The following ZNF783 variants were observed in gnomAD, a reference collection of about 807,000 sequenced individuals.
The protein encoded by ZNF783 is zinc finger protein 783, also known as protein ZNF783.
In ZNF783, 25 loss-of-function variants were observed where a neutral mutation model predicts 31.3. The observed-to-expected ratio is 0.80, with a 90% CI of 0.58 to 1.11. ZNF783 has a LOEUF of 1.11. ZNF783 is among the 50% of genes most tolerant of loss of function. The pLI, the probability that ZNF783 is intolerant of heterozygous loss-of-function variation, is 0.00. For synonymous variants in ZNF783, 369 were observed against 319.1 expected (o/e 1.16, Z -1.66); for missense variants, 797 against 760.0 (o/e 1.05, Z -0.57).
intron 4 of ZNF783, chr7:149,276,552 T>C (rs1797333455): frequency 9.1e-6 from 9 of 985,340 alleles, no homozygotes; most frequent in Non-Finnish European, 1.1e-5. Flanking sequence ...TTACTTTTCA[T>C]CACTATTTTA....
chr7:149,273,617 C>T (rs2129524989), intron 4 of ZNF783, among the ~76,000 whole-genome samples: 1 of 152,022 alleles, frequency 6.6e-6, no homozygotes, highest in East Asian at 1.9e-4. Context: ...ACAATCAGAG[C>T]TCACTGCACC....
In ZNF783 at chr7:149,262,223, T is replaced by C; in HGVS notation, c.-111T>C. 2.0e-6 allele frequency: 2 copies of C among 1,013,780 alleles called. No individual in the cohort carries two copies. The highest frequency in any genetic ancestry group is 2.6e-5 in the South Asian group (1 of 38,160). The allele number at this position is 1,013,780 out of a possible 1,614,324, so 62.8% of individuals were successfully genotyped here. ...GACGCAGTTCGCTGCCGCCCGGCAG[T>C]AGCTCTCAGGTTAGGCGGGTCCCGC... On this transcript the variant is annotated 5_prime_UTR_variant, in exon 1 of 6. Coordinates refer to ENST00000434415, the MANE Select transcript of ZNF783 (RefSeq NM_001195220.2).
Position 149,281,683 on chromosome 7 carries a change from G to A in ZNF783, c.981G>A (p.Glu327=). The change falls in exon 6 of 6, where the codon GAG becomes GAA. Residue 327 remains glutamate, a synonymous_variant. Coordinates refer to ENST00000434415, the MANE Select transcript of ZNF783 (RefSeq NM_001195220.2). ...GCATGCCCAGGGTGCGGGCAGGGGA[G>A]CCACGGCCACCGGGGGCCAGTGGGG... ...AQGMPRVRAG[E]PRPPGASGET... 1 of 1,501,254 alleles carries A rather than the reference G, an allele frequency of 6.7e-7. No homozygotes were observed. The highest frequency in any genetic ancestry group is 1.3e-5 in the South Asian group (1 of 75,650). 93.0% of individuals were successfully genotyped at this position (1,501,254 alleles called of 1,614,324 possible). A position where few individuals can be genotyped will look rare whatever the true frequency, so the allele number is the denominator to read the frequency against.
intron 4 of ZNF783, among the ~76,000 whole-genome samples, chr7:149,271,784 G>T (rs951205951): frequency 1.3e-5 from 2 of 151,958 alleles, no homozygotes; most frequent in African/African-American, 4.8e-5. Context: ...AGATATATTT[G>T]TATTCCCACC....
rs1333023714 is a variant in ZNF783 at position 149,283,646 on chromosome 7, G to A, written c.*1303G>A. The A allele has an allele frequency of 2.0e-5, 3 of 152,242 alleles. No individual in the cohort carries two copies. Among genetic ancestry groups the A allele is most frequent in the Non-Finnish European group, 4.4e-5 (3 of 68,064 alleles). The allele number at this position is 152,242 out of a possible 1,614,324, so 9.4% of individuals were successfully genotyped here. ...AAGGCGGGGCAGTCTCCTCTCAAAG[G>A]AGTTCTCCCTTGAGCACTTTGGGCT... On this transcript the variant is annotated 3_prime_UTR_variant, in exon 6 of 6. Transcript: ENST00000434415.
Position 149,282,070 on chromosome 7 carries a change from C to T in ZNF783, c.1368C>T (p.Arg456=), listed in dbSNP as rs765964907. 2 of 1,595,772 alleles carry T rather than the reference C, an allele frequency of 1.3e-6. No homozygotes were observed. The highest frequency in any genetic ancestry group is 2.7e-5 in the African/African-American group (2 of 74,862). ...QQRKSLLLHQ[R]LHTGNGQGWP... ...GCAAGAGCCTGCTGCTGCACCAGCG[C>T]CTGCACACCGGCAATGGCCAGGGCT... Residue 456 remains arginine, a synonymous_variant, in exon 6 of 6, where the codon CGC becomes CGT. Coordinates refer to ENST00000434415, the MANE Select transcript of ZNF783 (RefSeq NM_001195220.2).
rs927252016 is a variant in ZNF783 at position 149,273,792 on chromosome 7, C to T, written c.674-4607C>T. ...CTCCTGGACTCGAGCAATCTTCCTG[C>T]CACAGCCTTCCAAAGCACTGAGATT... On this transcript the variant is annotated intron_variant, in intron 4 of 5. Coordinates refer to ENST00000434415, the MANE Select transcript of ZNF783 (RefSeq NM_001195220.2). 3.3e-5 allele frequency among the ~76,000 whole-genome samples: 5 copies of T among 152,286 alleles called. No homozygotes were observed. The East Asian group carries it at 5.8e-4, about 18-fold the overall frequency.
At chr7:149,274,369 T>C (rs2129525016) in intron 4 of ZNF783, among the ~76,000 whole-genome samples, 1 of 151,688 alleles carries the variant, frequency 6.6e-6, no homozygotes, top group African/African-American at 2.4e-5. Context: ...CTTTTCTTTT[T>C]TTTTTTTCTT....
At chr7:149,262,683 C>G (rs1050278651) in intron 1 of ZNF783, among the ~76,000 whole-genome samples, 2 of 152,202 alleles carry the variant, frequency 1.3e-5, no homozygotes, top group African/African-American at 4.8e-5. Context: ...CTCGCGGCCC[C>G]CCCTACAGCA....
intron 1 of ZNF783, among the ~76,000 whole-genome samples, chr7:149,264,147 T>C (rs1250380429): frequency 6.6e-6 from 1 of 152,230 alleles, no homozygotes; most frequent in African/African-American, 2.4e-5. Flanking sequence ...AGTATTCCTA[T>C]ACAGAATTTT....
rs1374731706 is a variant in ZNF783, at chr7:149,282,069, G to A, written c.1367G>A (p.Arg456His). 5 of 1,595,566 alleles carry A rather than the reference G, an allele frequency of 3.1e-6. No homozygotes were observed. Among genetic ancestry groups the A allele is most frequent in the South Asian group, 1.1e-5 (1 of 90,788 alleles). Residue 456 changes from arginine (R) to histidine (H), a missense_variant, in exon 6 of 6, where the codon CGC becomes CAC. Transcript: ENST00000434415. ...QQRKSLLLHQ[R>H]LHTGNGQGWP... is the part of the protein sequence containing the mutation. ...CGCAAGAGCCTGCTGCTGCACCAGC[G>A]CCTGCACACCGGCAATGGCCAGGGC...
intron 1 of ZNF783, among the ~76,000 whole-genome samples, chr7:149,263,276 G>C (rs1175541813): frequency 9.1e-4 from 56 of 61,374 alleles, no homozygotes; most frequent in African/African-American, 3.3e-3. Flanking sequence ...GTGTGTGTGT[G>C]TGTGTGTGTG....
intron 4 of ZNF783, among the ~76,000 whole-genome samples, chr7:149,271,685 G>C (rs1797214536): frequency 6.6e-6 from 1 of 152,144 alleles, no homozygotes; most frequent in Admixed American, 6.5e-5. Context: ...TAGATTCAAG[G>C]AAGTCTCGTT....
rs754765746 is a variant in ZNF783 at position 149,282,005 on chromosome 7, A to G, written c.1303A>G (p.Met435Val). ...LVGRRPAASK[M>V]YHCSECLRFF... The stretch of plus-strand genomic sequence containing the variant: ...GGGGCGGCGGCCTGCAGCCAGCAAG[A>G]TGTACCACTGCAGCGAGTGCCTGCG... Residue 435 changes from methionine (M) to valine (V), a missense_variant, in exon 6 of 6, where the codon ATG becomes GTG. By Grantham distance (21) the Met-to-Val change is conservative. Coordinates refer to ENST00000434415, the MANE Select transcript of ZNF783 (RefSeq NM_001195220.2). 11 of 1,583,744 alleles carry G rather than the reference A, an allele frequency of 6.9e-6. No homozygotes were observed. The highest frequency in any genetic ancestry group is 8.5e-6 in the Non-Finnish European group (10 of 1,173,288).
chr7:149,264,245 T>G (rs918325485), intron 1 of ZNF783, among the ~76,000 whole-genome samples: 3 of 152,234 alleles, frequency 2.0e-5, no homozygotes, highest in African/African-American at 7.2e-5. Flanking sequence ...TGTTATTGAA[T>G]GAATGAAGCA....
chr7:149,262,306 T>A lies in ZNF783; in HGVS notation c.-28T>A, dbSNP rs1028655395. 2 of 1,360,076 alleles carry A rather than the reference T, an allele frequency of 1.5e-6. No homozygotes were observed. The highest frequency in any genetic ancestry group is 9.5e-7 in the Non-Finnish European group (1 of 1,052,144). The allele number at this position is 1,360,076 out of a possible 1,614,324, so 84.3% of individuals were successfully genotyped here. The stretch of plus-strand genomic sequence containing the variant: ...GGCCCGACAGGCCGGGTCCAGGGAC[T>A]GCAACCCAGCGAGGGACGCGGGCAG... On this transcript the variant is annotated 5_prime_UTR_variant, in exon 1 of 6. Coordinates refer to ENST00000434415, the MANE Select transcript of ZNF783 (RefSeq NM_001195220.2).
rs756471649 is a variant in ZNF783 at position 149,282,065 on chromosome 7, CA to C, written c.1364del (p.Gln455ArgfsTer110). 38 of 1,595,256 alleles carry C rather than the reference CA, an allele frequency of 2.4e-5. No individual in the cohort carries two copies. The highest frequency in any genetic ancestry group is 3.0e-5 in the Non-Finnish European group (35 of 1,178,460). On this transcript the variant is annotated frameshift_variant, in exon 6 of 6. Coordinates refer to ENST00000434415, the MANE Select transcript of ZNF783 (RefSeq NM_001195220.2). LOFTEE classifies it low-confidence loss of function (END_TRUNC). The part of the protein sequence containing the change: ...FQQRKSLLLH[Q>X]RLHTGNGQGW... ...GCAGCGCAAGAGCCTGCTGCTGCAC[CA>C]GCGCCTGCACACCGGCAATGGCCAG... is the stretch of plus-strand genomic sequence containing the variant.
rs866521932 is a variant in ZNF783 at position 149,274,019 on chromosome 7, G to A, written c.674-4380G>A. Among the ~76,000 whole-genome samples the A allele has an allele frequency of 3.9e-5, 6 of 152,194 alleles. 1 individual carries two copies. In the Middle Eastern group the frequency reaches 0.014, roughly 345 times the overall value. On this transcript the variant is annotated intron_variant, in intron 4 of 5. Coordinates refer to ENST00000434415, the MANE Select transcript of ZNF783 (RefSeq NM_001195220.2). ...TGCAAATATTTTTTCCCGTTCTGTG[G>A]GGTGTCTTTTCACTTTGTTGATTGA...
At chr7:149,273,354 T>A (rs1393263400) in intron 4 of ZNF783, among the ~76,000 whole-genome samples, 1 of 152,184 alleles carries the variant, frequency 6.6e-6, no homozygotes, top group Non-Finnish European at 1.5e-5. Flanking sequence ...TTGCACTAAT[T>A]TACATTCCCA....
Sources: allele counts gnomAD v4.1 joint callset (sites outside exome capture counted in the v4.1 genomes callset), GRCh38; gene constraint gnomAD v4.1.1; transcripts MANE v1.5; gene names NCBI Gene and HGNC (gene_info 2026-07-23, HGNC 2026-07-21).